Variants in WDR59 observed in about 807,000 individuals in gnomAD.
The protein encoded by WDR59 is WD repeat domain 59, also known as GATOR2 complex protein WDR59.
A neutral mutation model predicts 131.2 loss-of-function variants in WDR59; 100 were observed. The ratio of observed to expected loss-of-function variants is 0.76; its 90% CI spans 0.65 to 0.90. WDR59 has a LOEUF of 0.90. Ranked by LOEUF, WDR59 falls within the 40% of genes least tolerant of loss-of-function variation. The pLI is 0.00. For missense variants in WDR59, 1,203 were observed against 1,262.2 expected, an observed-to-expected ratio of 0.95 and a Z score of 0.71; for synonymous variants, 601 against 466.2, an observed-to-expected ratio of 1.29 and a Z score of -3.72.
At chr16:74,886,570 G>C in intron 23 of WDR59, 174 bp from the exon 24 acceptor site, 2 of 787,202 alleles carry the variant, frequency 2.5e-6, no homozygotes, top group Non-Finnish European at 3.7e-6. Flanking sequence ...TTGCCTTTTT[G>C]CGCAGGTATT....
intron 1 of WDR59, among the ~76,000 whole-genome samples, chr16:74,981,375 C>A (rs1356216750): frequency 2.6e-4 from 35 of 135,760 alleles, no homozygotes; most frequent in South Asian, 4.7e-4. Context: ...GACTCTGTCT[C>A]AAAAAAAAAA....
intron 3 of WDR59, among the ~76,000 whole-genome samples, chr16:74,953,653 T>C (rs918887248): frequency 2.0e-5 from 3 of 152,074 alleles, no homozygotes; most frequent in Admixed American, 1.3e-4. Flanking sequence ...ATCCAGAATA[T>C]ATAAAGAACT....
chr16:74,976,736 C>G (rs1243190591), intron 1 of WDR59, among the ~76,000 whole-genome samples: 1 of 152,148 alleles, frequency 6.6e-6, no homozygotes, highest in Non-Finnish European at 1.5e-5. Flanking sequence ...CGACCAAGCC[C>G]GGCCTAAACA....
At chr16:74,952,446 A>C (rs1597787357) in intron 3 of WDR59, among the ~76,000 whole-genome samples, 1 of 100,644 alleles carries the variant, frequency 9.9e-6, no homozygotes, top group South Asian at 2.6e-4. Flanking sequence ...CATCTCAAAC[A>C]AAAAAAAAAA....
At chr16:74,946,669 G>C (rs753938784) in intron 6 of WDR59, among the ~76,000 whole-genome samples, 1 of 152,118 alleles carries the variant, frequency 6.6e-6, no homozygotes, top group Admixed American at 6.6e-5. Flanking sequence ...GTTGCAGTGA[G>C]CTGAGATTCC....
intron 2 of WDR59, among the ~76,000 whole-genome samples, chr16:74,963,694 T>C (rs1246195576): frequency 4.6e-5 from 7 of 152,168 alleles, no homozygotes; most frequent in Non-Finnish European, 1.0e-4. Context: ...AGCACACGTT[T>C]ACCTACGTAA....
At chr16:74,889,034 G>T (rs1362121343) in intron 21 of WDR59, among the ~76,000 whole-genome samples, 1 of 152,190 alleles carries the variant, frequency 6.6e-6, no homozygotes, top group Non-Finnish European at 1.5e-5. Context: ...AATAAGTAGA[G>T]TAAACCTTAT....
At chr16:74,953,015 T>A (rs1279107136) in intron 3 of WDR59, among the ~76,000 whole-genome samples, 1 of 152,114 alleles carries the variant, frequency 6.6e-6, no homozygotes, top group African/African-American at 2.4e-5. Context: ...CCTTAACGAA[T>A]CTGGCCTCTG....
chr16:74,965,669 G>C (rs931825305), intron 2 of WDR59, 104 bp downstream of exon 2: 7 of 1,390,954 alleles, frequency 5.0e-6, no homozygotes, highest in Non-Finnish European at 6.1e-6. Flanking sequence ...TAAACCCTAT[G>C]ATCATAATCC....
At chr16:74,899,308 T>C (rs760746532) in intron 18 of WDR59, among the ~76,000 whole-genome samples, 2 of 152,160 alleles carry the variant, frequency 1.3e-5, no homozygotes, top group African/African-American at 4.8e-5. Context: ...GACAAAATAG[T>C]GGAAGCCTCT....
In WDR59 at chr16:74,941,996, C is replaced by A. The variant is rs73607905; in HGVS notation, c.534+742G>T. Among the ~76,000 whole-genome samples the A allele has an allele frequency of 9.6e-3, 1,458 of 152,212 alleles. 19 individuals carry two copies. The highest frequency in any genetic ancestry group is 0.033 in the African/African-American group (1,388 of 41,526). On this transcript the variant is annotated intron_variant, in intron 7 of 25. Transcript: ENST00000262144. ...CACAGGCAGGAAGCAGGATTTACACCCAGGTCTCATGGCAGTGATGGCTCT... is the reference window on the plus strand; with the variant it reads ...CACAGGCAGGAAGCAGGATTTACACACAGGTCTCATGGCAGTGATGGCTCT...
Position 74,916,118 on chromosome 16 carries a change from A to G in WDR59, c.1099+9T>C. Reference sequence around the variant, plus strand: ...GCACCTTACCTGAGACATCAGTTTGACAAATTACCTTCTTCCTCCCCATGG... The same window carrying G: ...GCACCTTACCTGAGACATCAGTTTGGCAAATTACCTTCTTCCTCCCCATGG... On this transcript the variant is annotated intron_variant, in intron 12 of 25. Transcript: ENST00000262144. 1 of 1,614,210 alleles carries G rather than the reference A, an allele frequency of 6.2e-7. No individual in the cohort carries two copies.
At chr16:74,907,851 G>C (rs894921286) in intron 17 of WDR59, among the ~76,000 whole-genome samples, 3 of 152,164 alleles carry the variant, frequency 2.0e-5, no homozygotes, top group Non-Finnish European at 4.4e-5. Flanking sequence ...ACTGCAGGTG[G>C]TAAGTGCTAT....
rs1452652186 is a variant in WDR59, at chr16:74,871,801, C to T, written c.*2408G>A. 2 of 152,248 alleles carry T rather than the reference C, an allele frequency of 1.3e-5. No homozygotes were observed. The highest frequency in any genetic ancestry group is 2.4e-5 in the African/African-American group (1 of 41,464). 9.4% of individuals were successfully genotyped at this position (152,248 alleles called of 1,614,324 possible). On this transcript the variant is annotated 3_prime_UTR_variant, in exon 26 of 26. Transcript: ENST00000262144. ...ACAACAGAATTTGTGTATGCAAATT[C>T]CCGGCTGGGCCTTCTCCTGTCATCC...
intron 2 of WDR59, among the ~76,000 whole-genome samples, chr16:74,962,135 T>C (rs1597801771): frequency 6.6e-6 from 1 of 152,168 alleles, no homozygotes; most frequent in East Asian, 1.9e-4. Context: ...CTCTATTCTA[T>C]TCCATTGGTC....
intron 1 of WDR59, among the ~76,000 whole-genome samples, chr16:74,971,476 AG>A (rs1253211689): frequency 3.4e-5 from 4 of 118,894 alleles, no homozygotes; most frequent in Non-Finnish European, 6.3e-5. Context: ...TCTGTCACCC[AG>A]GCTGGAGTGC....
chr16:74,884,348 G>A (rs1964654300), intron 25 of WDR59, among the ~76,000 whole-genome samples: 1 of 152,100 alleles, frequency 6.6e-6, no homozygotes, highest in South Asian at 2.1e-4. Context: ...GGATACAATT[G>A]AAATTCTTTT....
chr16:74,955,314 G>A (rs917200095), intron 3 of WDR59, among the ~76,000 whole-genome samples: 1 of 152,060 alleles, frequency 6.6e-6, no homozygotes, highest in African/African-American at 2.4e-5. Context: ...TAGCAGGTAG[G>A]GCCAGGGATG....
intron 13 of WDR59, among the ~76,000 whole-genome samples, chr16:74,912,880 T>C (rs903037600): frequency 3.9e-5 from 6 of 152,256 alleles, no homozygotes; most frequent in African/African-American, 1.4e-4. Flanking sequence ...AAGGCACAGA[T>C]TGCTTATGCT....
Sources: allele counts gnomAD v4.1 joint callset (sites outside exome capture counted in the v4.1 genomes callset), GRCh38; gene constraint gnomAD v4.1.1; transcripts MANE v1.5; gene names NCBI Gene and HGNC (gene_info 2026-07-23, HGNC 2026-07-21).